Variants in MARCHF1 observed in about 807,000 individuals in gnomAD.
MARCHF1 encodes the protein membrane associated ring-CH-type finger 1, also known as E3 ubiquitin-protein ligase MARCHF1.
Under a neutral mutation model 54.2 loss-of-function variants are expected in MARCHF1, and 40 were observed. The observed-to-expected ratio is 0.74, with a 90% CI of 0.57 to 0.96. The LOEUF (loss-of-function observed/expected upper bound fraction) is 0.96, where lower values mean the gene tolerates loss of function less well. MARCHF1 is among the 40% of genes least tolerant of loss of function. The pLI, the probability that MARCHF1 is intolerant of heterozygous loss-of-function variation, is 0.00. For synonymous variants in MARCHF1, 236 were observed against 236.3 expected (o/e 1.00, Z 0.01); for missense variants, 586 against 656.5 (o/e 0.89, Z 1.17).
chr4:163,720,068 T>G (rs1043408469), intron 4 of MARCHF1, among the ~76,000 whole-genome samples: 1 of 152,222 alleles, frequency 6.6e-6, no homozygotes, highest in African/African-American at 2.4e-5. Context: ...TTTGTTGCCA[T>G]TGCTTTTGGT....
chr4:164,134,944 G>T (rs562542984), intron 1 of MARCHF1, among the ~76,000 whole-genome samples: 6 of 151,848 alleles, frequency 4.0e-5, no homozygotes, highest in Non-Finnish European at 8.8e-5. Flanking sequence ...GGACAATATC[G>T]TCAAAATTAG....
intron 4 of MARCHF1, among the ~76,000 whole-genome samples, chr4:163,733,220 TAC>T (rs1364335291): frequency 3.4e-5 from 1 of 29,664 alleles, no homozygotes; most frequent in Non-Finnish European, 8.6e-5. Flanking sequence ...TATATATATA[TAC>T]ACGTGTATAT....
At chr4:163,572,319 C>CTT (rs11363041) in intron 8 of MARCHF1, among the ~76,000 whole-genome samples, 2,048 of 144,080 alleles carry the variant, frequency 0.014, 37 homozygotes, top group African/African-American at 0.037. Context: ...CTCTTTCTTC[C>CTT]TTTTTTTTTT....
intron 4 of MARCHF1, among the ~76,000 whole-genome samples, chr4:163,720,573 T>C (rs191425891): frequency 1.3e-5 from 2 of 152,190 alleles, no homozygotes; most frequent in Non-Finnish European, 2.9e-5. Context: ...AAAAAGTCAT[T>C]GGTAGCCTGA....
chr4:164,043,180 G>C (rs1754165056), intron 2 of MARCHF1, among the ~76,000 whole-genome samples: 1 of 152,170 alleles, frequency 6.6e-6, no homozygotes, highest in African/African-American at 2.4e-5. Context: ...TAGGGAGTCT[G>C]TATGGGGGCT....
At chr4:164,194,750 A>G (rs1731208538) in intron 1 of MARCHF1, among the ~76,000 whole-genome samples, 1 of 152,146 alleles carries the variant, frequency 6.6e-6, no homozygotes, top group Non-Finnish European at 1.5e-5. Context: ...ATATTTCAGA[A>G]ATTCTAAAGT....
intron 1 of MARCHF1, among the ~76,000 whole-genome samples, chr4:164,324,428 GA>G (rs1255450814): frequency 1.3e-5 from 2 of 151,012 alleles, no homozygotes; most frequent in South Asian, 2.1e-4. Flanking sequence ...TATAATCAAA[GA>G]AAAAAATAAA....
At chr4:164,198,693 C>T (rs968650767) in intron 1 of MARCHF1, among the ~76,000 whole-genome samples, 1 of 152,154 alleles carries the variant, frequency 6.6e-6, no homozygotes, top group Non-Finnish European at 1.5e-5. Flanking sequence ...AGCCGTAATT[C>T]CACCAGGAAA....
chr4:163,854,671 G>T (rs1360738522), intron 3 of MARCHF1, among the ~76,000 whole-genome samples: 1 of 151,884 alleles, frequency 6.6e-6, no homozygotes, highest in East Asian at 1.9e-4. Flanking sequence ...ATAAAGTTCT[G>T]CCATCTGAAA....
chr4:163,783,989 GT>G (rs1317655410), intron 4 of MARCHF1, among the ~76,000 whole-genome samples: 1 of 152,090 alleles, frequency 6.6e-6, no homozygotes, highest in Non-Finnish European at 1.5e-5. Flanking sequence ...AGTTTGCAGT[GT>G]CTGCTTGCTG....
At chr4:163,835,487 G>C (rs1180338005) in intron 4 of MARCHF1, among the ~76,000 whole-genome samples, 1 of 152,126 alleles carries the variant, frequency 6.6e-6, no homozygotes, top group Non-Finnish European at 1.5e-5. Flanking sequence ...CCAGGTTTTG[G>C]CCAATAAAAT....
intron 1 of MARCHF1, among the ~76,000 whole-genome samples, chr4:164,266,844 T>C (rs1233411901): frequency 6.6e-6 from 1 of 152,174 alleles, no homozygotes; most frequent in African/African-American, 2.4e-5. Flanking sequence ...AGTCACTAAA[T>C]TTAGAAAATG....
intron 1 of MARCHF1, among the ~76,000 whole-genome samples, chr4:164,249,898 T>C (rs1733074823): frequency 6.6e-6 from 1 of 152,040 alleles, no homozygotes; most frequent in Non-Finnish European, 1.5e-5. Flanking sequence ...ATAGAAAACT[T>C]TGAGAGAGGT....
intron 4 of MARCHF1, among the ~76,000 whole-genome samples, chr4:163,738,740 A>G (rs995150866): frequency 6.6e-6 from 1 of 152,192 alleles, no homozygotes; most frequent in Non-Finnish European, 1.5e-5. Flanking sequence ...CTGAGTAAAA[A>G]TACTTCACTG....
intron 5 of MARCHF1, among the ~76,000 whole-genome samples, chr4:163,632,508 C>G (rs2110997738): frequency 6.6e-6 from 1 of 152,318 alleles, no homozygotes; most frequent in African/African-American, 2.4e-5. Flanking sequence ...AAAATCGGGT[C>G]ACTCCCACCC....
intron 1 of MARCHF1, among the ~76,000 whole-genome samples, chr4:164,375,112 A>G (rs1397306958): frequency 6.6e-6 from 1 of 152,218 alleles, no homozygotes; most frequent in Non-Finnish European, 1.5e-5. Flanking sequence ...TCATGTGAGT[A>G]TAGAGGCAAT....
At chr4:164,101,233 T>G (rs1290531988) in intron 2 of MARCHF1, among the ~76,000 whole-genome samples, 1 of 152,132 alleles carries the variant, frequency 6.6e-6, no homozygotes, top group Non-Finnish European at 1.5e-5. Flanking sequence ...CAAAGCAGCC[T>G]GGAAGCTCAA....
chr4:163,842,036 C>T (rs2111133633), intron 4 of MARCHF1, among the ~76,000 whole-genome samples: 1 of 152,188 alleles, frequency 6.6e-6, no homozygotes, highest in Non-Finnish European at 1.5e-5. Context: ...TGGCTTTTGG[C>T]TTTTAACCTA....
At chr4:164,265,588 A>T (rs1338727718) in intron 1 of MARCHF1, among the ~76,000 whole-genome samples, 5 of 151,316 alleles carry the variant, frequency 3.3e-5, no homozygotes, top group Non-Finnish European at 7.4e-5. Context: ...TCTGCTTATG[A>T]CTCAATTGTT....
Sources: gnomAD v4.1 joint callset for allele counts (sites outside exome capture counted in the v4.1 genomes callset) on GRCh38, gnomAD v4.1.1 for gene constraint, MANE v1.5 for transcripts, NCBI Gene and HGNC (gene_info 2026-07-23, HGNC 2026-07-21) for gene names.